Variants in KIF17 observed in about 807,000 individuals in gnomAD.
KIF17 encodes the protein kinesin family member 17.
Under a neutral mutation model 96.8 loss-of-function variants are expected in KIF17, and 80 were observed. The observed-to-expected ratio is 0.83, with a 90% confidence interval of 0.69 to 1.00. KIF17 has a LOEUF of 1.00. KIF17 is among the 50% of genes least tolerant of loss of function. The pLI, the probability that KIF17 is intolerant of heterozygous loss-of-function variation, is 0.00. For missense variants in KIF17, 1,280 were observed against 1,372.9 expected, an observed-to-expected ratio of 0.93 and a Z score of 1.07; for synonymous variants, 567 against 587.5, an observed-to-expected ratio of 0.97 and a Z score of 0.51.
chr1:20,682,423 CT>C (rs1411020657), intron 11 of KIF17, among the ~76,000 whole-genome samples: 1 of 152,204 alleles, frequency 6.6e-6, no homozygotes, highest in Non-Finnish European at 1.5e-5. Context: ...ACTCGGGAGA[CT>C]GAGACAGGAA....
At chr1:20,703,180 T>TGGAC (rs1553151993) in intron 5 of KIF17, among the ~76,000 whole-genome samples, 5,893 of 149,970 alleles carry the variant, frequency 0.039, 327 homozygotes, top group African/African-American at 0.13. Context: ...GATGGATGAA[T>TGGAC]GGATGGACGG....
At chr1:20,714,849 ACTGGCT>A (rs1341172164) in intron 2 of KIF17, among the ~76,000 whole-genome samples, 1 of 150,932 alleles carries the variant, frequency 6.6e-6, no homozygotes, top group African/African-American at 2.4e-5. Context: ...TGGGCCAAGC[ACTGGCT>A]CTGGGCTGGT....
At chr1:20,694,258 C>A (rs1257808338) in intron 6 of KIF17, among the ~76,000 whole-genome samples, 1 of 152,104 alleles carries the variant, frequency 6.6e-6, no homozygotes, top group Non-Finnish European at 1.5e-5. Context: ...CCACCACACC[C>A]AGCTAATTTT....
At chr1:20,701,944 C>T (rs1012781700) in intron 5 of KIF17, among the ~76,000 whole-genome samples, 2 of 152,094 alleles carry the variant, frequency 1.3e-5, no homozygotes, top group African/African-American at 4.8e-5. Context: ...GAGGGAGAAC[C>T]AGGGCTAAGG....
At position 20,709,867 on chromosome 1, in the gene KIF17, C is replaced by A. The variant is rs780230828; in HGVS notation, c.481-39G>T. The A allele has an allele frequency of 2.6e-6, 4 of 1,558,660 alleles. No individual in the cohort carries two copies. In the East Asian group the frequency reaches 9.6e-5, roughly 37 times the overall value. On this transcript the variant is annotated intron_variant, in intron 3 of 14. Transcript: ENST00000400463. The surrounding 1 kb of genome is among the most constrained non-coding windows in gnomAD (Gnocchi z 4.7). ...AACAGTCAGGGGCGGAACCTCCAGC[C>A]GCCAAGGGTTAGGACCAGGGATGGT...
rs1427023729 is a variant in KIF17 at position 20,685,216 on chromosome 1, C to T, written c.2020-196G>A. On this transcript the variant is annotated intron_variant, in intron 9 of 14. Transcript: ENST00000400463. The surrounding 1 kb of genome is among the most constrained non-coding windows in gnomAD (Gnocchi z 4.1). Reference sequence around the variant, plus strand: ...CTGCCGCTATTCCCACTGACACCCCCACGCTAGGAGGAAGGCTCCCAGCTT... The same window carrying T: ...CTGCCGCTATTCCCACTGACACCCCTACGCTAGGAGGAAGGCTCCCAGCTT... The T allele has an allele frequency of 1.4e-6, 1 of 700,260 alleles. No homozygotes were observed. The highest frequency in any genetic ancestry group is 2.6e-6 in the Non-Finnish European group (1 of 381,948). 43.4% of individuals were successfully genotyped at this position (700,260 alleles called of 1,614,324 possible). A position where few individuals can be genotyped will look rare whatever the true frequency, so the allele number is the denominator to read the frequency against.
chr1:20,691,556 C>T (rs911514031), intron 6 of KIF17, among the ~76,000 whole-genome samples: 18 of 151,026 alleles, frequency 1.2e-4, no homozygotes, highest in Admixed American at 3.3e-4. Flanking sequence ...CAGGTTCAAG[C>T]GATTCTCCTG....
At chr1:20,664,869 C>T (rs960311424) in intron 14 of KIF17, 107 bp from the exon 15 acceptor site, 20 of 1,052,262 alleles carry the variant, frequency 1.9e-5, no homozygotes, top group Middle Eastern at 2.9e-4. Context: ...CTCCCGCCCC[C>T]CTGCCCAGCC....
In KIF17 at chr1:20,704,178, T is replaced by G; in HGVS notation, c.1123+269A>C. 1.3e-5 allele frequency among the ~76,000 whole-genome samples: 2 copies of G among 148,864 alleles called. No homozygotes were observed. Among genetic ancestry groups the G allele is most frequent in the African/African-American group, 2.5e-5 (1 of 40,208 alleles). ...GGGGGTGTGGTGGGGGTGGGGGGGA[T>G]AATGGATGAGCAGATGAGAGGCGGG... On this transcript the variant is annotated intron_variant, in intron 5 of 14. Transcript: ENST00000400463. The surrounding 1 kb of genome is among the most constrained non-coding windows in gnomAD (Gnocchi z 6.8).
At chr1:20,686,432 C>A in intron 8 of KIF17, 1 of 507,158 alleles carries the variant, frequency 2.0e-6, no homozygotes, top group Non-Finnish European at 3.6e-6. Context: ...AAAGGTCACA[C>A]AACCAAGGAA....
chr1:20,703,180 T>TGGATGAATGGATGGAC (rs372148537), intron 5 of KIF17, among the ~76,000 whole-genome samples: 50 of 149,992 alleles, frequency 3.3e-4, no homozygotes, highest in South Asian at 6.3e-4. Flanking sequence ...GATGGATGAA[T>TGGATGAATGGATGGAC]GGATGGACGG....
chr1:20,701,504 G>T (rs1238247835), intron 5 of KIF17, among the ~76,000 whole-genome samples: 3 of 152,208 alleles, frequency 2.0e-5, no homozygotes. Context: ...ATGCAGAGGT[G>T]GTGATAACAC....
intron 11 of KIF17, among the ~76,000 whole-genome samples, chr1:20,679,196 C>G (rs2053787071): frequency 6.6e-6 from 1 of 151,904 alleles, no homozygotes; most frequent in African/African-American, 2.4e-5. Flanking sequence ...TCCCAGCTAC[C>G]TGGGAGGCTG....
At position 20,687,649 on chromosome 1, in the gene KIF17, G is replaced by A. The variant is rs752440383; in HGVS notation, c.1677C>T (p.Pro559=). Residue 559 remains proline, a synonymous_variant, in exon 8 of 15, where the codon CCC becomes CCT. Coordinates refer to ENST00000400463, the MANE Select transcript of KIF17 (RefSeq NM_001122819.3). This position sits in a 1 kb window ranked among gnomAD's most constrained non-coding sequence, Gnocchi z 4.4. ...TGGGCATGGAGACCTCCACGTTGGA[G>A]GGCTCCTCAGGCCCAGGGAAAGCCT... ...VSEAFPGPEE[P]SNVEVSMPTE... 1.2e-5 allele frequency: 20 copies of A among 1,614,078 alleles called. No individual in the cohort carries two copies. Among genetic ancestry groups the A allele is most frequent in the Non-Finnish European group, 1.6e-5 (19 of 1,180,044 alleles).
chr1:20,674,535 G>A (rs2053703396), intron 11 of KIF17, among the ~76,000 whole-genome samples: 2 of 150,936 alleles, frequency 1.3e-5, no homozygotes, highest in African/African-American at 4.9e-5. Flanking sequence ...AAAGTGCTGG[G>A]ATTATAGGCA....
In KIF17 at chr1:20,704,984, A is replaced by G; in HGVS notation, c.671-85T>C. On this transcript the variant is annotated intron_variant, in intron 4 of 14. Transcript: ENST00000400463. The surrounding 1 kb of genome is among the most constrained non-coding windows in gnomAD (Gnocchi z 6.8). ...ATCAGTGCCAGGCACTGGGTGCTCAATGCCCACCCACCGAGGGTTCCCCTC... is the reference window on the plus strand; with the variant it reads ...ATCAGTGCCAGGCACTGGGTGCTCAGTGCCCACCCACCGAGGGTTCCCCTC... 1.6e-6 allele frequency: 2 copies of G among 1,216,602 alleles called. No individual in the cohort carries two copies. The highest frequency in any genetic ancestry group is 1.2e-6 in the Non-Finnish European group (1 of 840,564). 75.4% of individuals were successfully genotyped at this position (1,216,602 alleles called of 1,614,324 possible). A position where few individuals can be genotyped will look rare whatever the true frequency, so the allele number is the denominator to read the frequency against.
chr1:20,697,426 A>G (rs1037156976), intron 6 of KIF17, among the ~76,000 whole-genome samples: 7 of 147,472 alleles, frequency 4.7e-5, no homozygotes, highest in Non-Finnish European at 1.0e-4. Context: ...TAGGCAACAT[A>G]GAGACCCTAT....
At chr1:20,703,503 G>GATGGATGGATGC (rs1553152056) in intron 5 of KIF17, among the ~76,000 whole-genome samples, 16 of 27,692 alleles carry the variant, frequency 5.8e-4, no homozygotes, top group East Asian at 5.8e-3. Flanking sequence ...TGGATGCATG[G>GATGGATGGATGC]ATGGATGGAT....
At chr1:20,701,665 C>A (rs1294314325) in intron 5 of KIF17, among the ~76,000 whole-genome samples, 1 of 152,002 alleles carries the variant, frequency 6.6e-6, no homozygotes, top group East Asian at 1.9e-4. Flanking sequence ...AGGAAGGGAG[C>A]CAGGGCAGAG....
Sources: gnomAD v4.1 joint callset for allele counts (sites outside exome capture counted in the v4.1 genomes callset) on GRCh38, gnomAD v4.1.1 for gene constraint, Gnocchi (gnomAD v3.1) non-coding constraint, MANE v1.5 for transcripts, NCBI Gene and HGNC (gene_info 2026-07-23, HGNC 2026-07-21) for gene names.